PCDH15: variants seen among roughly 807,000 people sequenced by gnomAD.
The protein encoded by PCDH15 is protocadherin-15.
Under a neutral mutation model 178.5 loss-of-function variants are expected in PCDH15, and 129 were observed. That is an observed-to-expected ratio of 0.72 (90% CI 0.63 to 0.84). The LOEUF (loss-of-function observed/expected upper bound fraction) is 0.84. Ranked by LOEUF, PCDH15 falls within the 40% of genes least tolerant of loss-of-function variation. PCDH15 has a pLI of 0.00. For missense variants in PCDH15, 2,230 were observed against 2,099.9 expected (o/e 1.06, Z -1.21); for synonymous variants, 800 against 732.0 (o/e 1.09, Z -1.50).
intron 2 of PCDH15, among the ~76,000 whole-genome samples, chr10:55,336,266 G>A (rs1052435470): frequency 5.3e-5 from 8 of 151,884 alleles, no homozygotes; most frequent in East Asian, 1.9e-4. Flanking sequence ...TTGTGAGGGC[G>A]ACACGGGTGG....
chr10:54,898,341 A>C (rs527362293), intron 2 of PCDH15, among the ~76,000 whole-genome samples: 1 of 152,304 alleles, frequency 6.6e-6, no homozygotes, highest in African/African-American at 2.4e-5. Flanking sequence ...AGAATATCAT[A>C]ATAAAGTTTT....
chr10:55,201,006 C>T (rs1196683880), intron 1 of PCDH15, among the ~76,000 whole-genome samples: 1 of 152,080 alleles, frequency 6.6e-6, no homozygotes, highest in Non-Finnish European at 1.5e-5. Context: ...CAGACTAATA[C>T]AGAGGTCTAG....
chr10:53,846,922 G>A (rs2078014442), intron 28 of PCDH15, among the ~76,000 whole-genome samples: 1 of 151,940 alleles, frequency 6.6e-6, no homozygotes, highest in Non-Finnish European at 1.5e-5. Context: ...TGCATGCTCA[G>A]TTTACTCCCA....
intron 3 of PCDH15, among the ~76,000 whole-genome samples, chr10:54,422,155 A>C (rs2135855010): frequency 6.6e-6 from 1 of 151,876 alleles, no homozygotes; most frequent in South Asian, 2.1e-4. Context: ...GAGTTGCAAG[A>C]GCATAGGAGA....
At chr10:54,595,620 T>C (rs571139459) in intron 2 of PCDH15, among the ~76,000 whole-genome samples, 39 of 152,142 alleles carry the variant, frequency 2.6e-4, no homozygotes, top group African/African-American at 9.4e-4. Flanking sequence ...ATGACAGAAA[T>C]AGCATTCAGA....
chr10:54,875,025 T>C (rs975161701), intron 3 of PCDH15, among the ~76,000 whole-genome samples: 1 of 152,186 alleles, frequency 6.6e-6, no homozygotes, highest in African/African-American at 2.4e-5. Context: ...TTCATTTTAT[T>C]GTGGTTCACA....
At chr10:54,029,735 A>G (rs1015018479) in intron 18 of PCDH15, among the ~76,000 whole-genome samples, 3 of 152,178 alleles carry the variant, frequency 2.0e-5, no homozygotes, top group Admixed American at 6.6e-5. Flanking sequence ...AAAGGGAAAT[A>G]TATTTCTTAA....
intron 2 of PCDH15, among the ~76,000 whole-genome samples, chr10:55,585,751 ATG>A (rs1254754345): frequency 3.3e-5 from 5 of 151,864 alleles, no homozygotes; most frequent in African/African-American, 9.7e-5. Context: ...GTATATATAT[ATG>A]TGTGTGTGTA....
At chr10:54,022,853 A>T (rs960109023) in intron 19 of PCDH15, 39 bp downstream of exon 19, 1 of 1,603,282 alleles carries the variant, frequency 6.2e-7, no homozygotes, top group Admixed American at 1.7e-5. Context: ...CAAATCTCCT[A>T]ATGTAGGATT....
intron 2 of PCDH15, among the ~76,000 whole-genome samples, chr10:55,502,419 A>G (rs1840676394): frequency 1.3e-5 from 2 of 151,706 alleles, no homozygotes. Context: ...TTCTGAATTA[A>G]TGAAATACTT....
chr10:54,132,359 C>T (rs571777582), intron 15 of PCDH15, among the ~76,000 whole-genome samples: 7 of 152,184 alleles, frequency 4.6e-5, no homozygotes, highest in Admixed American at 1.3e-4. Flanking sequence ...GCTAAAACTA[C>T]CCCCTTCTTC....
chr10:54,608,298 T>C (rs1304409452), intron 2 of PCDH15, among the ~76,000 whole-genome samples: 1 of 149,228 alleles, frequency 6.7e-6, no homozygotes, highest in African/African-American at 2.5e-5. Context: ...CAAAAACTTA[T>C]CTCTACCAAA....
intron 2 of PCDH15, among the ~76,000 whole-genome samples, chr10:54,564,138 A>G (rs1396832975): frequency 6.6e-6 from 1 of 151,820 alleles, no homozygotes; most frequent in Non-Finnish European, 1.5e-5. Flanking sequence ...TCCCCCCCAC[A>G]TCATACTGAA....
chr10:55,246,395 G>T (rs1841680482), intron 1 of PCDH15, among the ~76,000 whole-genome samples: 1 of 152,112 alleles, frequency 6.6e-6, no homozygotes, highest in Non-Finnish European at 1.5e-5. Context: ...AAGTATATGA[G>T]GGAGGAGTCT....
At chr10:54,509,247 C>T (rs2081430516) in intron 3 of PCDH15, among the ~76,000 whole-genome samples, 1 of 151,822 alleles carries the variant, frequency 6.6e-6, no homozygotes. Flanking sequence ...GGGAGGGACC[C>T]AGTGGGAGAT....
chr10:54,404,591 C>A (rs1162138504), intron 3 of PCDH15, among the ~76,000 whole-genome samples: 1 of 144,196 alleles, frequency 6.9e-6, no homozygotes, highest in Non-Finnish European at 1.5e-5. Flanking sequence ...CAGGAACAGG[C>A]AAAGATGGCA....
intron 1 of PCDH15, among the ~76,000 whole-genome samples, chr10:55,282,613 T>C (rs910082466): frequency 2.0e-5 from 3 of 152,186 alleles, no homozygotes; most frequent in Non-Finnish European, 4.4e-5. Context: ...AAAGTCTCCA[T>C]AAAAGAAGTT....
intron 2 of PCDH15, chr10:55,600,048 T>G (rs982236917): frequency 1.1e-5 from 12 of 1,060,498 alleles, no homozygotes; most frequent in Non-Finnish European, 1.3e-6. Flanking sequence ...CAGGCCCCAA[T>G]GTATCATCCC....
intron 2 of PCDH15, among the ~76,000 whole-genome samples, chr10:55,094,889 T>G (rs542883371): frequency 5.5e-4 from 83 of 151,140 alleles, no homozygotes; most frequent in African/African-American, 1.9e-3. Flanking sequence ...CAAAATGACA[T>G]GATGAAAACA....
Sources: allele counts gnomAD v4.1 joint callset (sites outside exome capture counted in the v4.1 genomes callset), GRCh38; gene constraint gnomAD v4.1.1; transcripts MANE v1.5; gene names NCBI Gene and HGNC (gene_info 2026-07-23, HGNC 2026-07-21).